Variants in PLCH1 observed in about 807,000 individuals in gnomAD.
The protein encoded by PLCH1 is 1-phosphatidylinositol 4,5-bisphosphate phosphodiesterase eta-1.
A neutral mutation model predicts 126.7 loss-of-function variants in PLCH1; 60 were observed. The ratio of observed to expected loss-of-function variants is 0.47; its 90% CI spans 0.38 to 0.59. PLCH1 has a LOEUF of 0.59. PLCH1 is among the 20% of genes least tolerant of loss of function. The pLI is 0.00. For missense variants in PLCH1, 1,723 were observed against 2,040.0 expected (o/e 0.84, Z 2.99); for synonymous variants, 719 against 734.9 (o/e 0.98, Z 0.35).
chr3:155,609,009 A>G (rs1734729780), intron 2 of PLCH1, among the ~76,000 whole-genome samples: 1 of 152,206 alleles, frequency 6.6e-6, no homozygotes, highest in African/African-American at 2.4e-5. Context: ...AGCAAATTCC[A>G]TCTCATGCAA....
At chr3:155,486,590 T>A (rs1219140393) in intron 21 of PLCH1, among the ~76,000 whole-genome samples, 2 of 138,104 alleles carry the variant, frequency 1.4e-5, no homozygotes, top group African/African-American at 5.4e-5. Flanking sequence ...AGTGGCGCAA[T>A]CTCGGCTCAC....
chr3:155,714,108 T>C (rs1338634201), intron 1 of PLCH1, among the ~76,000 whole-genome samples: 1 of 152,200 alleles, frequency 6.6e-6, no homozygotes. Flanking sequence ...CTCAAAACTA[T>C]ATCCTGTACT....
intron 1 of PLCH1, among the ~76,000 whole-genome samples, chr3:155,727,515 G>A (rs893284322): frequency 7.9e-5 from 12 of 151,870 alleles, no homozygotes; most frequent in East Asian, 1.9e-4. Flanking sequence ...AGCCTCCTGC[G>A]TAGCTGAAAT....
chr3:155,734,614 G>A (rs531716743), intron 1 of PLCH1, among the ~76,000 whole-genome samples: 11 of 152,102 alleles, frequency 7.2e-5, no homozygotes, highest in African/African-American at 9.6e-5. Context: ...TCAGAATAGC[G>A]AAGTTATGGA....
rs188259959 is a variant in PLCH1, at chr3:155,673,752, C to G, written c.79+30394G>C. ...CTCAGAAATCTAGGACTCGCTCTTA[C>G]GTTGACATCTACCCTTCCATCAGGC... On this transcript the variant is annotated intron_variant, in intron 2 of 22. Coordinates refer to ENST00000460012, the MANE Select transcript of PLCH1 (RefSeq NM_014996.4). 2.9e-3 allele frequency among the ~76,000 whole-genome samples: 449 copies of G among 152,258 alleles called. 2 individuals are homozygous for G. The highest frequency in any genetic ancestry group is 5.6e-3 in the Non-Finnish European group (380 of 68,022).
Position 155,523,957 on chromosome 3 carries a change from T to C in PLCH1, c.1410A>G (p.Glu470=). ...YHLGDDAEEG[E]VSDEDSADEI... is the part of the protein sequence containing the mutation. ...CATCTGCACTGTCCTCATCAGAAACTTCCCCTTCCTCTGCATCATCCCCAA... is the reference window on the plus strand; with the variant it reads ...CATCTGCACTGTCCTCATCAGAAACCTCCCCTTCCTCTGCATCATCCCCAA... Residue 470 remains glutamate (E), a synonymous_variant, in exon 11 of 23, where the codon GAA becomes GAG. Coordinates refer to ENST00000460012, the MANE Select transcript of PLCH1 (RefSeq NM_014996.4). The C allele has an allele frequency of 6.2e-7, 1 of 1,609,460 alleles. No homozygotes were observed. Among genetic ancestry groups the C allele is most frequent in the East Asian group, 2.2e-5 (1 of 44,754 alleles).
intron 2 of PLCH1, among the ~76,000 whole-genome samples, chr3:155,601,488 T>C (rs983356740): frequency 6.6e-6 from 1 of 151,970 alleles, no homozygotes; most frequent in Non-Finnish European, 1.5e-5. Flanking sequence ...AATATACATA[T>C]ATAATACATA....
chr3:155,626,471 G>A (rs1035875860), intron 2 of PLCH1, among the ~76,000 whole-genome samples: 2 of 151,982 alleles, frequency 1.3e-5, no homozygotes, highest in Non-Finnish European at 2.9e-5. Flanking sequence ...AAATCCTAAC[G>A]GAAAAAGATG....
intron 2 of PLCH1, among the ~76,000 whole-genome samples, chr3:155,684,493 A>G (rs1056702286): frequency 2.0e-5 from 3 of 152,138 alleles, no homozygotes; most frequent in South Asian, 2.1e-4. Context: ...CGGGTCTCCA[A>G]GGGAGCGGGA....
At chr3:155,543,435 G>A (rs1724700183) in intron 10 of PLCH1, among the ~76,000 whole-genome samples, 1 of 152,154 alleles carries the variant, frequency 6.6e-6, no homozygotes, top group Admixed American at 6.5e-5. Flanking sequence ...AAGTGACGGG[G>A]AGAATGGAAC....
Position 155,482,265 on chromosome 3 carries a change from G to T in PLCH1, c.3761C>A (p.Ser1254Ter), listed in dbSNP as rs1333520337. ...TGCATGTTTGGTGGTCTCAGAACTC[G>T]AGAGTGCTATCAGCTCCGGAGATGA... The part of the protein sequence containing the change: ...LCSSPELIAL[S>*]SSETTKHATN... The change falls in exon 23 of 23, where the codon TCG (serine) becomes TAG (stop). Residue 1254 changes from serine (S) to a stop codon, truncating the protein, a stop_gained. Transcript: ENST00000460012. LOFTEE classifies it low-confidence loss of function (END_TRUNC). 6.2e-7 allele frequency: 1 copy of T among 1,614,038 alleles called. No individual in the cohort carries two copies. Among genetic ancestry groups the T allele is most frequent in the Non-Finnish European group, 8.5e-7 (1 of 1,180,014 alleles).
chr3:155,715,723 A>C (rs540139631), intron 1 of PLCH1, among the ~76,000 whole-genome samples: 1 of 149,720 alleles, frequency 6.7e-6, no homozygotes, highest in South Asian at 2.1e-4. Flanking sequence ...AGGGATCCTC[A>C]TGCCTCAGCC....
At chr3:155,611,409 A>C (rs929883306) in intron 2 of PLCH1, among the ~76,000 whole-genome samples, 4 of 152,146 alleles carry the variant, frequency 2.6e-5, no homozygotes, top group Admixed American at 2.6e-4. Context: ...AATAAATACA[A>C]ATAAAAAAAC....
At chr3:155,704,008 A>G (rs1746469611) in intron 2 of PLCH1, 138 bp downstream of exon 2, 1 of 405,278 alleles carries the variant, frequency 2.5e-6, no homozygotes, top group Non-Finnish European at 4.3e-6. Flanking sequence ...TTCTTGGGTA[A>G]TTATTCATAA....
At chr3:155,669,113 G>A (rs569668272) in intron 2 of PLCH1, among the ~76,000 whole-genome samples, 1 of 151,430 alleles carries the variant, frequency 6.6e-6, no homozygotes, top group East Asian at 1.9e-4. Flanking sequence ...TATGCCCGAG[G>A]AGTGGGCATC....
chr3:155,565,018 A>C lies in PLCH1; in HGVS notation c.966T>G (p.Ile322Met). ...DMDQPLCNYY[I>M]ASSHNTYLTG... is the part of the protein sequence containing the mutation. The stretch of plus-strand genomic sequence containing the variant: ...TCAGGTATGTATTGTGAGAGGAAGC[A>C]ATGTAGTAGTTGCAGAGGGGCTGAT... Residue 322 changes from isoleucine to methionine, a missense_variant, in exon 8 of 23, where the codon ATT (isoleucine) becomes ATG (methionine). Physicochemically the swap from Ile to Met is conservative, Grantham distance 10. This residue lies in a region of PLCH1 where 776 missense variants were observed against 1,062.9 expected (regional missense o/e 0.73). Transcript: ENST00000460012. 1 of 1,613,018 alleles carries C rather than the reference A, an allele frequency of 6.2e-7. No homozygotes were observed.
At chr3:155,523,198 G>A (rs934167746) in intron 11 of PLCH1, among the ~76,000 whole-genome samples, 18 of 151,886 alleles carry the variant, frequency 1.2e-4, no homozygotes, top group Admixed American at 9.8e-4. Context: ...GGATGGTCTC[G>A]ATCTCCTGAC....
chr3:155,692,210 GT>G (rs1287318643), intron 2 of PLCH1, among the ~76,000 whole-genome samples: 2 of 151,902 alleles, frequency 1.3e-5, no homozygotes, highest in African/African-American at 4.8e-5. Flanking sequence ...CCATATGAAG[GT>G]CAGCATATCA....
intron 1 of PLCH1, chr3:155,742,246 G>T (rs938706593): frequency 5.9e-5 from 9 of 152,044 alleles, no homozygotes; most frequent in African/African-American, 1.9e-4. Context: ...AAAACATTTC[G>T]TTAAGAATTT....
Sources: allele counts gnomAD v4.1 joint callset (sites outside exome capture counted in the v4.1 genomes callset), GRCh38; gene constraint gnomAD v4.1.1; regional missense constraint gnomAD v4.1.1; transcripts MANE v1.5; gene names NCBI Gene and HGNC (gene_info 2026-07-23, HGNC 2026-07-21).